ROR2: variants seen among roughly 807,000 people sequenced by gnomAD.
The protein encoded by ROR2 is tyrosine-protein kinase transmembrane receptor ROR2.
A neutral mutation model predicts 74.9 loss-of-function variants in ROR2; 33 were observed. The observed-to-expected ratio is 0.44, with a 90% CI of 0.33 to 0.59. The LOEUF (loss-of-function observed/expected upper bound fraction) is 0.59. ROR2 is among the 20% of genes least tolerant of loss of function. The probability of loss-of-function intolerance (pLI) is 0.02; values close to 1 mark genes in which losing one functional copy is unlikely to be tolerated. For synonymous variants in ROR2, 586 were observed against 558.7 expected (o/e 1.05, Z -0.69); for missense variants, 1,216 against 1,313.8 (o/e 0.93, Z 1.15).
intron 4 of ROR2, among the ~76,000 whole-genome samples, chr9:91,737,800 G>A (rs1269068493): frequency 6.6e-6 from 1 of 151,804 alleles, no homozygotes; most frequent in Non-Finnish European, 1.5e-5. Context: ...ATTATTTAGT[G>A]CTAAAAAAAA....
rs556144112 is a variant in ROR2, at chr9:91,909,825, T to C, written c.97+40042A>G. 5.9e-3 allele frequency among the ~76,000 whole-genome samples: 517 copies of C among 88,024 alleles called. 5 individuals carry two copies. The highest frequency in any genetic ancestry group is 0.016 in the African/African-American group (499 of 30,484). 57.7% of individuals were successfully genotyped at this position (88,024 alleles called of 152,430 possible). A position where few individuals can be genotyped will look rare whatever the true frequency, so the allele number is the denominator to read the frequency against. On this transcript the variant is annotated intron_variant, in intron 1 of 8. Coordinates refer to ENST00000375708, the MANE Select transcript of ROR2 (RefSeq NM_004560.4). ...TAAGCATTCTGATAATCTTTATTCT[T>C]TTTTTTTTTTAGGTTTGTTTTGTTT...
At chr9:91,875,136 C>A (rs1024430410) in intron 1 of ROR2, among the ~76,000 whole-genome samples, 6 of 152,298 alleles carry the variant, frequency 3.9e-5, no homozygotes, top group Admixed American at 3.9e-4. Flanking sequence ...AACCAATTAA[C>A]GGTCCCAGGA....
intron 1 of ROR2, among the ~76,000 whole-genome samples, chr9:91,866,202 C>G (rs1004487218): frequency 6.6e-6 from 1 of 152,040 alleles, no homozygotes; most frequent in Admixed American, 6.6e-5. Flanking sequence ...TCACTTCAAC[C>G]TTTGCCTACT....
At chr9:91,785,120 T>C (rs1020781875) in intron 1 of ROR2, among the ~76,000 whole-genome samples, 1 of 152,150 alleles carries the variant, frequency 6.6e-6, no homozygotes, top group African/African-American at 2.4e-5. Flanking sequence ...CAGAGTTTGC[T>C]CCTGGGGTGG....
At chr9:91,935,956 C>A (rs960517951) in intron 1 of ROR2, among the ~76,000 whole-genome samples, 1 of 152,220 alleles carries the variant, frequency 6.6e-6, no homozygotes. Flanking sequence ...GGTGAACACA[C>A]AGACCGCAGC....
chr9:91,908,023 G>T (rs1468346665), intron 1 of ROR2, among the ~76,000 whole-genome samples: 1 of 152,224 alleles, frequency 6.6e-6, no homozygotes, highest in Admixed American at 6.5e-5. Context: ...TTGTGGGAAA[G>T]AACTTCCTTT....
chr9:91,826,250 G>A (rs940805976), intron 1 of ROR2, among the ~76,000 whole-genome samples: 2 of 152,054 alleles, frequency 1.3e-5, no homozygotes, highest in Non-Finnish European at 2.9e-5. Context: ...AACATGGTGC[G>A]GCATAGTGAA....
At position 91,745,718 on chromosome 9, in the gene ROR2, C is replaced by T. The variant is rs549264138; in HGVS notation, c.495-8200G>A. ...TGGGATTACAGGCATTGAGCCACCG[C>T]GCCCAGCCTATAGTCTGCATTTAGA... On this transcript the variant is annotated intron_variant, in intron 4 of 8. Transcript: ENST00000375708. Among the ~76,000 whole-genome samples, 189 of 151,824 alleles carry T rather than the reference C, an allele frequency of 1.2e-3. 1 individual carries two copies. Among genetic ancestry groups the T allele is most frequent in the African/African-American group, 4.2e-3 (173 of 41,382 alleles).
In ROR2 at chr9:91,744,213, CTT is replaced by C. The variant is rs1167780367; in HGVS notation, c.495-6697_495-6696del. Among the ~76,000 whole-genome samples, 289 of 89,052 alleles carry C rather than the reference CTT, an allele frequency of 3.2e-3. 1 individual carries two copies. Among genetic ancestry groups the C allele is most frequent in the African/African-American group, 0.012 (263 of 22,352 alleles). The allele number at this position is 89,052 out of a possible 152,430, so 58.4% of individuals were successfully genotyped here. A position where few individuals can be genotyped will look rare whatever the true frequency, so the allele number is the denominator to read the frequency against. On this transcript the variant is annotated intron_variant, in intron 4 of 8. Coordinates refer to ENST00000375708, the MANE Select transcript of ROR2 (RefSeq NM_004560.4). ...TTGACCCTCCACAGAAATTTGTTAA[CTT>C]TTTTTTTTTTTTTTTTTTTTTTGAG... is the stretch of plus-strand genomic sequence containing the variant.
intron 1 of ROR2, among the ~76,000 whole-genome samples, chr9:91,908,012 G>C (rs1830862836): frequency 6.6e-6 from 1 of 152,234 alleles, no homozygotes; most frequent in South Asian, 2.1e-4. Flanking sequence ...GACACTAATT[G>C]TTGTGGGAAA....
chr9:91,760,232 T>C (rs1825870275), intron 2 of ROR2, among the ~76,000 whole-genome samples: 1 of 152,208 alleles, frequency 6.6e-6, no homozygotes, highest in South Asian at 2.1e-4. Context: ...CAAGCTCTAT[T>C]CACTTCTAAC....
Position 91,723,127 on chromosome 9 carries a change from A to T in ROR2, c.*535T>A, listed in dbSNP as rs1453394525. The T allele has an allele frequency of 6.2e-6, 1 of 160,446 alleles. No homozygotes were observed. The highest frequency in any genetic ancestry group is 1.4e-5 in the Non-Finnish European group (1 of 72,720). 9.9% of individuals were successfully genotyped at this position (160,446 alleles called of 1,614,324 possible). ...CCGACCCCAACAGGCAGCAGAGGGCAGCCTCCGTTCCAGCGAATCTTTGGC... is the reference window on the plus strand; with the variant it reads ...CCGACCCCAACAGGCAGCAGAGGGCTGCCTCCGTTCCAGCGAATCTTTGGC... On this transcript the variant is annotated 3_prime_UTR_variant, in exon 9 of 9. Transcript: ENST00000375708.
chr9:91,784,155 T>C (rs1826718283), intron 1 of ROR2, among the ~76,000 whole-genome samples: 1 of 152,174 alleles, frequency 6.6e-6, no homozygotes, highest in Non-Finnish European at 1.5e-5. Flanking sequence ...CCTGCGGAGC[T>C]GCCCAGCTGC....
At chr9:91,812,400 C>T (rs940854653) in intron 1 of ROR2, among the ~76,000 whole-genome samples, 3 of 151,720 alleles carry the variant, frequency 2.0e-5, no homozygotes, top group South Asian at 2.1e-4. Flanking sequence ...GCGCGGGGGC[C>T]GGGCATGTGG....
chr9:91,722,691 CTG>C lies in ROR2; in HGVS notation c.*969_*970del, dbSNP rs1326628520. 4 of 761,590 alleles carry C rather than the reference CTG, an allele frequency of 5.3e-6. No individual in the cohort carries two copies. The African/African-American group carries it at 6.8e-5, about 13-fold the overall frequency. The allele number at this position is 761,590 out of a possible 1,614,324, so 47.2% of individuals were successfully genotyped here. ...GGGGCACAGACGGCTGCCTGTGGGT[CTG>C]TGTGTAACAGGGGCTGTAAAATGAA... On this transcript the variant is annotated 3_prime_UTR_variant, in exon 9 of 9. Transcript: ENST00000375708.
chr9:91,890,677 T>C (rs1394522895), intron 1 of ROR2, among the ~76,000 whole-genome samples: 2 of 152,188 alleles, frequency 1.3e-5, no homozygotes, highest in East Asian at 1.9e-4. Flanking sequence ...TACCTACAAA[T>C]AGTGAGAGCT....
Position 91,875,852 on chromosome 9 carries a change from C to A in ROR2, c.97+74015G>T, listed in dbSNP as rs189357660. Among the ~76,000 whole-genome samples the A allele has an allele frequency of 1.2e-4, 18 of 152,114 alleles. No homozygotes were observed. The East Asian group carries it at 3.3e-3, about 28-fold the overall frequency. The stretch of plus-strand genomic sequence containing the variant: ...CTTTATAAGGGGGGTCCAAGTGGCT[C>A]CCTCAGCCACAGGAAGACTCAGAAC... On this transcript the variant is annotated intron_variant, in intron 1 of 8. Coordinates refer to ENST00000375708, the MANE Select transcript of ROR2 (RefSeq NM_004560.4).
chr9:91,883,621 T>C (rs560947429), intron 1 of ROR2, among the ~76,000 whole-genome samples: 18 of 152,314 alleles, frequency 1.2e-4, no homozygotes. Flanking sequence ...ATTTCTATCA[T>C]TGTAGAAAAT....
At chr9:91,868,106 T>A (rs906265752) in intron 1 of ROR2, among the ~76,000 whole-genome samples, 9 of 151,854 alleles carry the variant, frequency 5.9e-5, no homozygotes, top group Non-Finnish European at 1.2e-4. Flanking sequence ...ATTATAAAAA[T>A]TGCCAACAAG....
Sources: gnomAD v4.1 joint callset for allele counts (sites outside exome capture counted in the v4.1 genomes callset) on GRCh38, gnomAD v4.1.1 for gene constraint, MANE v1.5 for transcripts, NCBI Gene and HGNC (gene_info 2026-07-23, HGNC 2026-07-21) for gene names.